The following ADA2 variants were observed in gnomAD, a reference collection of about 807,000 sequenced individuals.
The protein encoded by ADA2 is adenosine deaminase CECR1.
ADA2 carries 29 observed loss-of-function variants against 44.2 expected under a neutral mutation model. The observed-to-expected ratio is 0.66, with a 90% CI of 0.49 to 0.89. The LOEUF (loss-of-function observed/expected upper bound fraction) is 0.89. Ranked by LOEUF, ADA2 falls within the 40% of genes least tolerant of loss-of-function variation. The pLI is 0.00. For synonymous variants in ADA2, 215 were observed against 234.9 expected, an observed-to-expected ratio of 0.92 and a Z score of 0.77; for missense variants, 637 against 644.8, an observed-to-expected ratio of 0.99 and a Z score of 0.13.
intron 7 of ADA2, among the ~76,000 whole-genome samples, chr22:17,185,305 A>T (rs1009390946): frequency 2.6e-5 from 4 of 151,316 alleles, no homozygotes; most frequent in African/African-American, 9.7e-5. Context: ...AGTCCCAGCT[A>T]CTCGGGAGGC....
rs540156644 is a variant in ADA2 at position 17,215,466 on chromosome 22, C to T, written c.-47+3890G>A. On this transcript the variant is annotated intron_variant, in intron 1 of 9. Transcript: ENST00000399837. ...ACTAAAAATACAAAAATTAGCTGAG[C>T]GTGGTGGCGGATGCCTGTAATCCCA... Among the ~76,000 whole-genome samples, 9 of 151,604 alleles carry T rather than the reference C, an allele frequency of 5.9e-5. No individual in the cohort carries two copies. The East Asian group carries it at 1.6e-3, about 26-fold the overall frequency.
At chr22:17,185,240 G>A (rs1480913609) in intron 7 of ADA2, among the ~76,000 whole-genome samples, 1 of 150,570 alleles carries the variant, frequency 6.6e-6, no homozygotes, top group African/African-American at 2.4e-5. Flanking sequence ...GTGAAACCCC[G>A]TCTCTACTAA....
Position 17,209,337 on chromosome 22 carries a change from AC to A in ADA2, c.322+18del. 1 of 1,604,806 alleles carries A rather than the reference AC, an allele frequency of 6.2e-7. No individual in the cohort carries two copies. Among genetic ancestry groups the A allele is most frequent in the Non-Finnish European group, 8.5e-7 (1 of 1,173,702 alleles). ...CTCTACCTTCCCAGCACCCCAAGCC[AC>A]CCCTTTCCAAACCTTACCTTTTGGC... On this transcript the variant is annotated intron_variant, in intron 2 of 9. Coordinates refer to ENST00000399837, the MANE Select transcript of ADA2 (RefSeq NM_001282225.2).
chr22:17,213,876 A>T, intron 1 of ADA2: 1 of 298,610 alleles, frequency 3.3e-6, no homozygotes, highest in South Asian at 3.0e-5. Context: ...CGTCTCTATT[A>T]AAAATACAAA....
At chr22:17,183,612 C>T (rs568172029) in intron 7 of ADA2, among the ~76,000 whole-genome samples, 3 of 151,994 alleles carry the variant, frequency 2.0e-5, no homozygotes, top group African/African-American at 4.8e-5. Context: ...CAGGTGCCCA[C>T]CACCATGCCC....
At chr22:17,185,271 G>A (rs1351314279) in intron 7 of ADA2, among the ~76,000 whole-genome samples, 7 of 151,040 alleles carry the variant, frequency 4.6e-5, no homozygotes, top group East Asian at 3.9e-4. Flanking sequence ...AATATTAGCC[G>A]GGCGTGGTGG....
chr22:17,188,024 AACCTGG>A (rs2062057639), intron 7 of ADA2, among the ~76,000 whole-genome samples: 1 of 151,934 alleles, frequency 6.6e-6, no homozygotes, highest in South Asian at 2.1e-4. Flanking sequence ...GACTCTCTTG[AACCTGG>A]GAAGCCGAGG....
chr22:17,182,348 C>A (rs777976177), intron 8 of ADA2, among the ~76,000 whole-genome samples: 3 of 152,138 alleles, frequency 2.0e-5, no homozygotes, highest in African/African-American at 7.2e-5. Context: ...CTGGCCTCCC[C>A]CCATGTCCTT....
chr22:17,186,588 AT>A lies in ADA2; in HGVS notation c.1081+1750del. ...TACAGTAAGACTCTGTCTCAAAAGA[AT>A]TTTTTTCCGTGGCTCAAGCCTGTAA... On this transcript the variant is annotated intron_variant, in intron 7 of 9. Coordinates refer to ENST00000399837, the MANE Select transcript of ADA2 (RefSeq NM_001282225.2). Among the ~76,000 whole-genome samples, 6 of 149,796 alleles carry A rather than the reference AT, an allele frequency of 4.0e-5. No homozygotes were observed. In the Middle Eastern group the frequency reaches 0.014, roughly 352 times the overall value.
At chr22:17,198,167 C>A (rs1183843780) in intron 4 of ADA2, among the ~76,000 whole-genome samples, 1 of 152,218 alleles carries the variant, frequency 6.6e-6, no homozygotes, top group Non-Finnish European at 1.5e-5. Flanking sequence ...CCCCTGCCCC[C>A]TCCTGTAGAA....
At chr22:17,197,898 T>C (rs943950974) in intron 4 of ADA2, among the ~76,000 whole-genome samples, 1 of 151,970 alleles carries the variant, frequency 6.6e-6, no homozygotes, top group African/African-American at 2.4e-5. Flanking sequence ...ATTAGCCGGG[T>C]GTGGTGGCAC....
chr22:17,212,956 A>ATTTTTTTTTTTTTTTTTTTTTTTTT (rs34092800), intron 1 of ADA2, among the ~76,000 whole-genome samples: 1 of 144,274 alleles, frequency 6.9e-6, no homozygotes, highest in African/African-American at 2.6e-5. Context: ...CACTCAGCTA[A>ATTTTTTTTTTTTTTTTTTTTTTTTT]TTTTTTTTTT....
At chr22:17,199,449 A>ACCCCTCCTCTATCCTCTTCCCCTCCC in intron 4 of ADA2, 7 of 350,720 alleles carry the variant, frequency 2.0e-5, no homozygotes, top group Non-Finnish European at 2.3e-5. Context: ...CTTCCCCTCC[A>ACCCCTCCTCTATCCTCTTCCCCTCCC]CCCACGAAGA....
At chr22:17,194,074 T>C (rs1272347932) in intron 4 of ADA2, among the ~76,000 whole-genome samples, 1 of 150,650 alleles carries the variant, frequency 6.6e-6, no homozygotes, top group Non-Finnish European at 1.5e-5. Context: ...GCACATGACC[T>C]CTCAAAAGAA....
At chr22:17,205,790 G>A (rs2062348015) in intron 3 of ADA2, among the ~76,000 whole-genome samples, 1 of 151,736 alleles carries the variant, frequency 6.6e-6, no homozygotes, top group Non-Finnish European at 1.5e-5. Context: ...ACCAGCCTGG[G>A]CAACACGGCA....
At chr22:17,182,423 C>G (rs2061982791) in intron 8 of ADA2, among the ~76,000 whole-genome samples, 181 bp downstream of exon 8, 1 of 152,142 alleles carries the variant, frequency 6.6e-6, no homozygotes, top group South Asian at 2.1e-4. Context: ...CTGCCTCATT[C>G]TTATTGGTGG....
rs73385957 is a variant in ADA2 at position 17,195,187 on chromosome 22, C to T, written c.754-3377G>A. 3.2e-3 allele frequency among the ~76,000 whole-genome samples: 487 copies of T among 152,266 alleles called. 2 individuals are homozygous for T. The highest frequency in any genetic ancestry group is 0.011 in the African/African-American group (456 of 41,550). On this transcript the variant is annotated intron_variant, in intron 4 of 9. Transcript: ENST00000399837. ...TCACTCTAACTTCTTTGGTGCTTCA[C>T]GTCTTTTCAAGGAAGGCCTGCATCT...
At position 17,188,804 on chromosome 22, in the gene ADA2, A is replaced by G. The variant is rs376305257; in HGVS notation, c.973-357T>C. On this transcript the variant is annotated intron_variant, in intron 6 of 9. Transcript: ENST00000399837. ...TGAGGCAGGAGAATGGCATGAACCC[A>G]GGAGGCAGAACTTGCAGTGAGCTGA... is the stretch of plus-strand genomic sequence containing the variant. 60 of 144,346 alleles carry G rather than the reference A, an allele frequency of 4.2e-4. No individual in the cohort carries two copies. In the East Asian group the frequency reaches 7.1e-3, roughly 17 times the overall value. The allele number at this position is 144,346 out of a possible 1,614,324, so 8.9% of individuals were successfully genotyped here.
chr22:17,188,883 A>G (rs1366334330), intron 6 of ADA2, among the ~76,000 whole-genome samples: 1 of 117,382 alleles, frequency 8.5e-6, no homozygotes, highest in African/African-American at 2.8e-5. Context: ...ATATATATAT[A>G]TATTTTGTAA....
Sources: gnomAD v4.1 joint callset for allele counts (sites outside exome capture counted in the v4.1 genomes callset) on GRCh38, gnomAD v4.1.1 for gene constraint, MANE v1.5 for transcripts, NCBI Gene and HGNC (gene_info 2026-07-23, HGNC 2026-07-21) for gene names.